The following SPECC1 variants were observed in gnomAD, a reference collection of about 807,000 sequenced individuals.
SPECC1 encodes sperm antigen with calponin homology and coiled-coil domains 1, also known as cytospin-B.
SPECC1 carries 62 observed loss-of-function variants against 104.1 expected under a neutral mutation model. The ratio of observed to expected loss-of-function variants is 0.60; its 90% CI spans 0.49 to 0.74. The LOEUF (loss-of-function observed/expected upper bound fraction) is 0.74, where lower values mean the gene tolerates loss of function less well. Ranked by LOEUF, SPECC1 falls within the 30% of genes least tolerant of loss-of-function variation. The probability of loss-of-function intolerance (pLI) is 0.00; values close to 1 mark genes in which losing one functional copy is unlikely to be tolerated. For synonymous variants in SPECC1, 513 were observed against 501.6 expected, an observed-to-expected ratio of 1.02 and a Z score of -0.30; for missense variants, 1,306 against 1,310.5, an observed-to-expected ratio of 1.00 and a Z score of 0.05.
chr17:20,167,151 T>C (rs1165163180), intron 3 of SPECC1, among the ~76,000 whole-genome samples: 1 of 147,880 alleles, frequency 6.8e-6, no homozygotes, highest in Non-Finnish European at 1.5e-5. Context: ...TTATATTATA[T>C]ATAATTTATA....
intron 3 of SPECC1, among the ~76,000 whole-genome samples, chr17:20,191,575 A>G (rs774523586): frequency 6.7e-6 from 1 of 150,302 alleles, no homozygotes; most frequent in Non-Finnish European, 1.5e-5. Flanking sequence ...TGCACATACC[A>G]TGATGGTTTG....
chr17:20,042,310 G>T (rs1370892371), intron 1 of SPECC1, among the ~76,000 whole-genome samples: 1 of 150,084 alleles, frequency 6.7e-6, no homozygotes, highest in East Asian at 2.0e-4. Context: ...GGCTAGGAGG[G>T]GTAGGAGTGC....
At chr17:20,139,420 A>T (rs1489290253) in intron 3 of SPECC1, among the ~76,000 whole-genome samples, 3 of 152,130 alleles carry the variant, frequency 2.0e-5, no homozygotes, top group African/African-American at 7.2e-5. Flanking sequence ...GGTGCTAGGG[A>T]TGCAGCAGTT....
At chr17:20,018,693 GC>G (rs1409562950) in intron 1 of SPECC1, among the ~76,000 whole-genome samples, 1 of 152,238 alleles carries the variant, frequency 6.6e-6, no homozygotes, top group African/African-American at 2.4e-5. Context: ...AGCACAATCA[GC>G]AAAGGGAAAG....
intron 12 of SPECC1, among the ~76,000 whole-genome samples, chr17:20,292,841 A>G (rs2041218773): frequency 6.6e-6 from 1 of 152,234 alleles, no homozygotes; most frequent in Non-Finnish European, 1.5e-5. Context: ...GTGAAAGCCA[A>G]GATGAAGAGA....
intron 3 of SPECC1, chr17:20,155,742 G>A: frequency 4.4e-6 from 1 of 225,708 alleles, no homozygotes; most frequent in Non-Finnish European, 7.8e-6. Flanking sequence ...CCGCCTCACC[G>A]CAGTGGGGTT....
intron 1 of SPECC1, among the ~76,000 whole-genome samples, chr17:20,083,254 T>G (rs1312436138): frequency 6.6e-6 from 1 of 152,234 alleles, no homozygotes; most frequent in Non-Finnish European, 1.5e-5. Flanking sequence ...CTGATTTGCC[T>G]TTCCTTTTAA....
At chr17:20,136,572 C>A (rs2030002296) in intron 3 of SPECC1, among the ~76,000 whole-genome samples, 2 of 152,142 alleles carry the variant, frequency 1.3e-5, no homozygotes, top group African/African-American at 4.8e-5. Context: ...TTTGCTCCTG[C>A]CCCTTTGCCC....
At chr17:20,100,975 T>C (rs1200602549) in intron 2 of SPECC1, among the ~76,000 whole-genome samples, 2 of 152,212 alleles carry the variant, frequency 1.3e-5, no homozygotes, top group African/African-American at 4.8e-5. Flanking sequence ...TTCATCCATG[T>C]CCCTGCAAAG....
chr17:20,313,241 A>T (rs1340401909), intron 14 of SPECC1, among the ~76,000 whole-genome samples: 1 of 152,250 alleles, frequency 6.6e-6, no homozygotes, highest in East Asian at 1.9e-4. Context: ...AAGCCAAAAA[A>T]TCACCAAACT....
chr17:20,031,134 A>G (rs1413905088), intron 1 of SPECC1, among the ~76,000 whole-genome samples: 2 of 152,036 alleles, frequency 1.3e-5, no homozygotes, highest in Non-Finnish European at 2.9e-5. Context: ...AGCTGGGATT[A>G]TAAGTATATG....
At chr17:20,170,029 G>A (rs1157438590) in intron 3 of SPECC1, among the ~76,000 whole-genome samples, 1 of 152,164 alleles carries the variant, frequency 6.6e-6, no homozygotes, top group South Asian at 2.1e-4. Flanking sequence ...AGACTTTACC[G>A]TCACAGGACA....
chr17:20,098,892 T>C (rs527792377), intron 2 of SPECC1, among the ~76,000 whole-genome samples: 1 of 152,356 alleles, frequency 6.6e-6, no homozygotes, highest in African/African-American at 2.4e-5. Context: ...GCTCTGTCCC[T>C]AGTGCTTAGA....
intron 3 of SPECC1, among the ~76,000 whole-genome samples, chr17:20,178,879 G>A (rs1385998737): frequency 6.6e-6 from 1 of 152,204 alleles, no homozygotes; most frequent in Non-Finnish European, 1.5e-5. Context: ...AAAGACAATT[G>A]CTGGACTGCA....
intron 5 of SPECC1, among the ~76,000 whole-genome samples, chr17:20,230,677 A>T (rs2038518000): frequency 1.3e-5 from 2 of 152,368 alleles, no homozygotes; most frequent in Admixed American, 1.3e-4. Flanking sequence ...CAAGACTGAC[A>T]ACAATGCAAG....
At chr17:20,046,903 G>A (rs951536923) in intron 1 of SPECC1, among the ~76,000 whole-genome samples, 3 of 150,034 alleles carry the variant, frequency 2.0e-5, no homozygotes, top group African/African-American at 4.9e-5. Flanking sequence ...AGACCAGTGC[G>A]CACTGGAGGG....
intron 3 of SPECC1, among the ~76,000 whole-genome samples, chr17:20,176,706 A>G (rs767591522): frequency 6.6e-6 from 1 of 151,912 alleles, no homozygotes; most frequent in South Asian, 2.1e-4. Flanking sequence ...TTCAGAGTAT[A>G]TTGCTTCAAC....
At chr17:20,050,153 A>G (rs907913527) in intron 1 of SPECC1, among the ~76,000 whole-genome samples, 1 of 152,198 alleles carries the variant, frequency 6.6e-6, no homozygotes, top group African/African-American at 2.4e-5. Flanking sequence ...CTCCTCACCA[A>G]CATGGCACAT....
chr17:20,144,175 C>CTTTTT (rs1168474738), intron 3 of SPECC1, among the ~76,000 whole-genome samples: 249 of 94,366 alleles, frequency 2.6e-3, no homozygotes, highest in East Asian at 6.6e-3. Flanking sequence ...TTTTTCTTTT[C>CTTTTT]TTTTTTTTTT....
Sources: allele counts gnomAD v4.1 joint callset (sites outside exome capture counted in the v4.1 genomes callset), GRCh38; gene constraint gnomAD v4.1.1; transcripts MANE v1.5; gene names NCBI Gene and HGNC (gene_info 2026-07-23, HGNC 2026-07-21).